The following PSD3 variants were observed in gnomAD, a reference collection of about 807,000 sequenced individuals.
PSD3 encodes the protein PH and SEC7 domain-containing protein 3.
PSD3 carries 49 observed loss-of-function variants against 105.5 expected under a neutral mutation model. The ratio of observed to expected loss-of-function variants is 0.46; its 90% confidence interval spans 0.37 to 0.59. The LOEUF (loss-of-function observed/expected upper bound fraction) is 0.59. Among genes scored for constraint, PSD3 ranks in the 20% least tolerant of loss-of-function variants. The pLI, the probability that PSD3 is intolerant of heterozygous loss-of-function variation, is 0.00. For missense variants in PSD3, 1,561 were observed against 1,263.8 expected (o/e 1.24, Z -3.57); for synonymous variants, 557 against 457.8 (o/e 1.22, Z -2.77).
chr8:18,960,546 A>T (rs773862423), intron 1 of PSD3, among the ~76,000 whole-genome samples: 1 of 152,252 alleles, frequency 6.6e-6, no homozygotes, highest in Non-Finnish European at 1.5e-5. Flanking sequence ...AAATGTACTA[A>T]GGGTCACAAT....
chr8:18,684,325 A>G (rs1272057328), intron 9 of PSD3, among the ~76,000 whole-genome samples: 1 of 151,864 alleles, frequency 6.6e-6, no homozygotes, highest in African/African-American at 2.4e-5. Context: ...AAAAAGCAAC[A>G]CTATTTCTCT....
At chr8:19,065,671 C>T (rs1829052431) in intron 1 of PSD3, among the ~76,000 whole-genome samples, 1 of 152,226 alleles carries the variant, frequency 6.6e-6, no homozygotes, top group Admixed American at 6.5e-5. Flanking sequence ...GGGCATGGAT[C>T]TCCCATCCCT....
Position 18,572,646 on chromosome 8 carries a change from A to G in PSD3, c.2666T>C (p.Ile889Thr). The G allele has an allele frequency of 6.2e-7, 1 of 1,614,036 alleles. No homozygotes were observed. Among genetic ancestry groups the G allele is most frequent in the Non-Finnish European group, 8.5e-7 (1 of 1,179,908 alleles). Residue 889 changes from isoleucine (I) to threonine (T), a missense_variant, in exon 14 of 16, where the codon ATA (isoleucine) becomes ACA (threonine). By Grantham distance (89) the Ile-to-Thr change is moderately conservative (BLOSUM62 -1). Transcript: ENST00000327040. ...AGCTGCCACACAATTGATTTTGTTTATCCACCCTTGCATTTCCTCTGGGCT... is the reference window on the plus strand; with the variant it reads ...AGCTGCCACACAATTGATTTTGTTTGTCCACCCTTGCATTTCCTCTGGGCT... ...TQSPEEMQGW[I>T]NKINCVAAVF... is the part of the protein sequence containing the mutation.
At chr8:19,052,358 G>A (rs1322214663) in intron 1 of PSD3, among the ~76,000 whole-genome samples, 2 of 151,712 alleles carry the variant, frequency 1.3e-5, no homozygotes, top group African/African-American at 4.8e-5. Context: ...TGTAGTCCCA[G>A]CTACTCAGGA....
At chr8:18,957,269 G>T (rs904346698) in intron 1 of PSD3, among the ~76,000 whole-genome samples, 2 of 152,060 alleles carry the variant, frequency 1.3e-5, no homozygotes, top group African/African-American at 4.8e-5. Context: ...TACTCGGGAG[G>T]CTGAGGCAGG....
chr8:18,940,790 C>T (rs1007710036), intron 1 of PSD3, among the ~76,000 whole-genome samples: 2 of 152,126 alleles, frequency 1.3e-5, no homozygotes, highest in Non-Finnish European at 2.9e-5. Context: ...GATATAATCC[C>T]TGGGTCTGGG....
chr8:18,965,753 G>T (rs1824199511), intron 1 of PSD3, among the ~76,000 whole-genome samples: 1 of 152,198 alleles, frequency 6.6e-6, no homozygotes, highest in Non-Finnish European at 1.5e-5. Context: ...GCCCACTCTT[G>T]ATTTTGACAC....
chr8:18,676,640 A>T (rs1054905287), intron 9 of PSD3, among the ~76,000 whole-genome samples: 2 of 152,198 alleles, frequency 1.3e-5, no homozygotes, highest in African/African-American at 2.4e-5. Context: ...ACCAGCGAGG[A>T]GCCCATCACT....
At chr8:18,822,089 T>A (rs372802168) in intron 4 of PSD3, among the ~76,000 whole-genome samples, 29 of 152,322 alleles carry the variant, frequency 1.9e-4, no homozygotes, top group East Asian at 1.4e-3. Flanking sequence ...ACCTTGATAA[T>A]TTTTTGTTTA....
At chr8:18,837,336 G>A (rs1454812655) in intron 4 of PSD3, among the ~76,000 whole-genome samples, 2 of 152,096 alleles carry the variant, frequency 1.3e-5, no homozygotes, top group Non-Finnish European at 2.9e-5. Context: ...CCTGACACAA[G>A]CCAATACTAT....
At chr8:18,692,964 G>C (rs1263621943) in intron 9 of PSD3, among the ~76,000 whole-genome samples, 3 of 152,174 alleles carry the variant, frequency 2.0e-5, no homozygotes, top group African/African-American at 7.2e-5. Flanking sequence ...AGAATGTCCA[G>C]GTGGGAGTTT....
chr8:19,021,949 A>G (rs1172071166), intron 1 of PSD3, among the ~76,000 whole-genome samples: 1 of 152,208 alleles, frequency 6.6e-6, no homozygotes, highest in Non-Finnish European at 1.5e-5. Context: ...TTATAAAGAA[A>G]AGAGGTTTAA....
intron 10 of PSD3, among the ~76,000 whole-genome samples, chr8:18,647,685 G>C (rs1280041811): frequency 6.7e-6 from 1 of 149,352 alleles, no homozygotes; most frequent in Non-Finnish European, 1.5e-5. Flanking sequence ...GGATAAGGGA[G>C]TGATTTGGTT....
intron 4 of PSD3, among the ~76,000 whole-genome samples, chr8:18,806,750 T>C (rs1811241776): frequency 6.6e-6 from 1 of 152,232 alleles, no homozygotes; most frequent in Non-Finnish European, 1.5e-5. Context: ...CCTTGCTCTA[T>C]CCCATAGTTC....
At chr8:18,593,139 A>C (rs1803737777) in intron 12 of PSD3, among the ~76,000 whole-genome samples, 1 of 152,152 alleles carries the variant, frequency 6.6e-6, no homozygotes, top group Non-Finnish European at 1.5e-5. Flanking sequence ...TAATTAAACT[A>C]AAGAGCTTCT....
chr8:18,765,538 T>G lies in PSD3; in HGVS notation c.2083A>C (p.Asn695His), dbSNP rs1428687023. 6.3e-7 allele frequency: 1 copy of G among 1,599,970 alleles called. No homozygotes were observed. Among genetic ancestry groups the G allele is most frequent in the African/African-American group, 1.3e-5 (1 of 74,590 alleles). Reference protein sequence around the residue: ...MLLNTDLHGHNIGKKMTCQEF... With the variant: ...MLLNTDLHGHHIGKKMTCQEF... The stretch of plus-strand genomic sequence containing the variant: ...TGACAGGTCATCTTCTTTCCAATAT[T>G]CTGAAACAGAGGCAAACAGTACATC... The change falls in exon 9 of 16, where the codon AAT becomes CAT. Residue 695 changes from asparagine to histidine, a missense_variant and splice_region_variant. Asn to His is a moderately conservative substitution (Grantham distance 68, BLOSUM62 1). Transcript: ENST00000327040.
chr8:18,687,682 C>T (rs28516079), intron 9 of PSD3, among the ~76,000 whole-genome samples: 3,234 of 152,132 alleles, frequency 0.021, 62 homozygotes, highest in African/African-American at 0.055. Flanking sequence ...TGTGTGTCCA[C>T]GTGCGTGTGT....
chr8:18,644,818 T>C (rs1303029453), intron 10 of PSD3, among the ~76,000 whole-genome samples: 1 of 152,204 alleles, frequency 6.6e-6, no homozygotes, highest in Non-Finnish European at 1.5e-5. Context: ...CTGTTTTGGG[T>C]TGCTGTGAAA....
rs532687023 is a variant in PSD3 at position 18,574,897 on chromosome 8, T to C, written c.2639+231A>G. Among the ~76,000 whole-genome samples, 70 of 152,272 alleles carry C rather than the reference T, an allele frequency of 4.6e-4. 1 individual carries two copies. The highest frequency in any genetic ancestry group is 1.3e-3 in the African/African-American group (55 of 41,562). ...GATACTGAATTCTAGAGATGGTAAG[T>C]GGCTGACTAAAAGTCAAAGGGCTAC... On this transcript the variant is annotated intron_variant, in intron 13 of 15. Transcript: ENST00000327040.
Sources: gnomAD v4.1 joint callset for allele counts (sites outside exome capture counted in the v4.1 genomes callset) on GRCh38, gnomAD v4.1.1 for gene constraint, MANE v1.5 for transcripts, NCBI Gene and HGNC (gene_info 2026-07-23, HGNC 2026-07-21) for gene names.